The following CCDC187 variants were observed in gnomAD, a reference collection of about 807,000 sequenced individuals.
CCDC187 encodes coiled-coil domain containing 187.
A neutral mutation model predicts 38.0 loss-of-function variants in CCDC187; 32 were observed. The observed-to-expected ratio is 0.84, with a 90% CI of 0.64 to 1.13. The LOEUF (loss-of-function observed/expected upper bound fraction) is 1.13. CCDC187 is among the 50% of genes most tolerant of loss of function. The probability of loss-of-function intolerance (pLI) is 0.00; values close to 1 mark genes in which losing one functional copy is unlikely to be tolerated. For missense variants in CCDC187, 707 were observed against 786.8 expected (o/e 0.90, Z 1.21); for synonymous variants, 333 against 347.9 (o/e 0.96, Z 0.48).
At chr9:136,293,421 ATACT>A (rs1831417728) in intron 4 of CCDC187, among the ~76,000 whole-genome samples, 4 of 73,062 alleles carry the variant, frequency 5.5e-5, no homozygotes, top group South Asian at 3.5e-4. Context: ...ACATGCTCAC[ATACT>A]CTCACATGCT....
chr9:136,262,074 C>T lies in CCDC187; in HGVS notation c.4064+237G>A, dbSNP rs78406702. On this transcript the variant is annotated intron_variant, in intron 19 of 25. Coordinates refer to ENST00000638797, the MANE Select transcript of CCDC187 (RefSeq NM_001378188.1). Reference sequence around the variant, plus strand: ...AGAGCCCTGGTGCCCTTTAATGAGGCGCTTTTGTTGCAAACCAAAGCCAAC... The same window carrying T: ...AGAGCCCTGGTGCCCTTTAATGAGGTGCTTTTGTTGCAAACCAAAGCCAAC... 8.1e-3 allele frequency among the ~76,000 whole-genome samples: 1,241 copies of T among 152,368 alleles called. 18 individuals carry two copies. The highest frequency in any genetic ancestry group is 0.029 in the African/African-American group (1,187 of 41,594).
chr9:136,262,337 G>A lies in CCDC187; in HGVS notation c.4038C>T (p.Ser1346=), dbSNP rs1327670988. 4 of 986,846 alleles carry A rather than the reference G, an allele frequency of 4.1e-6. No individual in the cohort carries two copies. The highest frequency in any genetic ancestry group is 4.8e-6 in the Non-Finnish European group (4 of 831,154). 61.1% of individuals were successfully genotyped at this position (986,846 alleles called of 1,614,324 possible). A position where few individuals can be genotyped will look rare whatever the true frequency, so the allele number is the denominator to read the frequency against. The change falls in exon 19 of 26, where the codon AGC becomes AGT. Residue 1346 remains serine (S), a synonymous_variant. Transcript: ENST00000638797. The stretch of plus-strand genomic sequence containing the variant: ...GCGTGGCCTTTGAGCTTGCGGGGCT[G>A]CTCTGGGGGCGATGGCTGGTGGAGC... ...PSSSTSHRPQ[S]SPASSKATRP...
At chr9:136,285,686 G>A in intron 8 of CCDC187, 80 bp from the exon 9 acceptor site, 1 of 398,956 alleles carries the variant, frequency 2.5e-6, no homozygotes, top group Non-Finnish European at 4.4e-6. Flanking sequence ...CACAGCAGGA[G>A]AGGAGCCTGA....
intron 18 of CCDC187, among the ~76,000 whole-genome samples, chr9:136,262,776 A>G (rs539122044): frequency 2.0e-4 from 30 of 152,272 alleles, no homozygotes; most frequent in African/African-American, 6.3e-4. Context: ...CAGGTGCTTC[A>G]GAGAGCTCAG....
chr9:136,295,036 C>G (rs1831501256), intron 4 of CCDC187, among the ~76,000 whole-genome samples: 2 of 152,238 alleles, frequency 1.3e-5, no homozygotes, highest in African/African-American at 4.8e-5. Flanking sequence ...CATAGGGCCA[C>G]AAGAATGAAA....
In CCDC187 at chr9:136,258,442, C is replaced by A. The variant is rs1319715236; in HGVS notation, c.4366+490G>T. Among the ~76,000 whole-genome samples, 1 of 152,146 alleles carries A rather than the reference C, an allele frequency of 6.6e-6. No individual in the cohort carries two copies. The highest frequency in any genetic ancestry group is 6.5e-5 in the Admixed American group (1 of 15,282). On this transcript the variant is annotated intron_variant, in intron 22 of 25. Coordinates refer to ENST00000638797, the MANE Select transcript of CCDC187 (RefSeq NM_001378188.1). The surrounding 1 kb of genome is among the most constrained non-coding windows in gnomAD (Gnocchi z 4.3). ...TGGCATCGCAGGGCACACAACCCCC[C>A]ACTCTTCAGCCGGCGGCTACCAGAC...
Position 136,285,511 on chromosome 9 carries a change from A to G in CCDC187, c.2927+2T>C. ...GGTGGGCAGGTGGGCAGGTGGTCTTACCTCCCCGCAGAGGGGCTGAGGGCC... is the reference window on the plus strand; with the variant it reads ...GGTGGGCAGGTGGGCAGGTGGTCTTGCCTCCCCGCAGAGGGGCTGAGGGCC... On this transcript the variant is annotated splice_donor_variant, in intron 9 of 25. Coordinates refer to ENST00000638797, the MANE Select transcript of CCDC187 (RefSeq NM_001378188.1). LOFTEE classifies it high-confidence loss of function. 1 of 329,344 alleles carries G rather than the reference A, an allele frequency of 3.0e-6. No individual in the cohort carries two copies. The highest frequency in any genetic ancestry group is 5.3e-6 in the Non-Finnish European group (1 of 188,356). 20.4% of individuals were successfully genotyped at this position (329,344 alleles called of 1,614,324 possible).
chr9:136,285,745 CCT>C, intron 8 of CCDC187, 139 bp from the exon 9 acceptor site: 1 of 397,482 alleles, frequency 2.5e-6, no homozygotes, highest in Non-Finnish European at 4.4e-6. Context: ...GGCCCTCAGG[CCT>C]CTCTGCTGGA....
At chr9:136,269,572 T>C (rs563282752) in intron 14 of CCDC187, among the ~76,000 whole-genome samples, 14 of 152,178 alleles carry the variant, frequency 9.2e-5, no homozygotes, top group South Asian at 4.2e-4. Context: ...TGCTTGAACC[T>C]GGGTGGTAGA....
upstream of CCDC187, among the ~76,000 whole-genome samples, chr9:136,305,324 G>C (rs1204959220): frequency 1.3e-5 from 2 of 152,220 alleles, no homozygotes; most frequent in African/African-American, 4.8e-5. Flanking sequence ...CAGGGAACCA[G>C]CGGTGTGACC....
rs1217010396 is a variant in CCDC187 at position 136,295,355 on chromosome 9, T to C, written c.832+2359A>G. ...CCGCCAGAGGGTCCCGCTCGATAAA[T>C]GGGTCCTGATGGGCACATTTTTTCT... On this transcript the variant is annotated intron_variant, in intron 4 of 25. Transcript: ENST00000638797. 2.0e-5 allele frequency among the ~76,000 whole-genome samples: 3 copies of C among 152,204 alleles called. 1 individual carries two copies. The highest frequency in any genetic ancestry group is 4.1e-4 in the South Asian group (2 of 4,834).
At chr9:136,275,698 C>T (rs1830919089) in intron 12 of CCDC187, among the ~76,000 whole-genome samples, 1 of 152,210 alleles carries the variant, frequency 6.6e-6, no homozygotes. Context: ...TGACATTGTC[C>T]CCTCATGGGG....
At position 136,302,843 on chromosome 9, in the gene CCDC187, TG is replaced by T. The variant is rs1235659339; in HGVS notation, c.593del (p.Ala198GlufsTer16). On this transcript the variant is annotated frameshift_variant, in exon 2 of 26. Transcript: ENST00000638797. LOFTEE classifies it high-confidence loss of function. ...ATTCAGGGGCTGGAGGGGGATTTTT[TG>T]CCTCTTGGCCTTTCCTCCTAAGCAT... ...TLMLRRKGQE[A>X]KNPPPAPECS... 7.5e-6 allele frequency: 3 copies of T among 398,652 alleles called. No individual in the cohort carries two copies. In the Admixed American group the frequency reaches 1.3e-4, roughly 18 times the overall value. The allele number at this position is 398,652 out of a possible 1,614,324, so 24.7% of individuals were successfully genotyped here. A position where few individuals can be genotyped will look rare whatever the true frequency, so the allele number is the denominator to read the frequency against.
In CCDC187 at chr9:136,303,038, C is replaced by A. The variant is rs1831725530; in HGVS notation, c.399G>T (p.Glu133Asp). 1 of 398,608 alleles carries A rather than the reference C, an allele frequency of 2.5e-6. No homozygotes were observed. 24.7% of individuals were successfully genotyped at this position (398,608 alleles called of 1,614,324 possible). A position where few individuals can be genotyped will look rare whatever the true frequency, so the allele number is the denominator to read the frequency against. ...GGGGCCCCAACACCTGGGGTGGCCT[C>A]TCCTTCCAAGACACACACACGTCGT... ...GGHDVCVSWK[E>D]RPPQVLGPQQ... Residue 133 changes from glutamate (E) to aspartate (D), a missense_variant, in exon 2 of 26, where the codon GAG becomes GAT. By Grantham distance (45) the Glu-to-Asp change is conservative. Transcript: ENST00000638797.
rs527775517 is a variant in CCDC187 at position 136,257,113 on chromosome 9, G to A, written c.4367-272C>T. 2.0e-5 allele frequency among the ~76,000 whole-genome samples: 3 copies of A among 152,308 alleles called. No homozygotes were observed. The highest frequency in any genetic ancestry group is 2.1e-4 in the South Asian group (1 of 4,822). On this transcript the variant is annotated intron_variant, in intron 22 of 25. Coordinates refer to ENST00000638797, the MANE Select transcript of CCDC187 (RefSeq NM_001378188.1). The surrounding 1 kb of genome is among the most constrained non-coding windows in gnomAD (Gnocchi z 4.5). ...AGGCCGGCTGGGCGCAGTGGCTCAC[G>A]CCTATAATCCCAGCACTCTGGGAGG...
At chr9:136,260,511 GTCCC>G (rs1830667104) in intron 19 of CCDC187, among the ~76,000 whole-genome samples, 1 of 151,616 alleles carries the variant, frequency 6.6e-6, no homozygotes, top group Non-Finnish European at 1.5e-5. Flanking sequence ...GAGATGGACT[GTCCC>G]TCCCAGGTGC....
intron 14 of CCDC187, among the ~76,000 whole-genome samples, chr9:136,270,972 A>G (rs1185508202): frequency 2.0e-5 from 3 of 152,230 alleles, no homozygotes; most frequent in African/African-American, 7.2e-5. Context: ...ATAATTGTCC[A>G]TGATCATCTC....
At chr9:136,263,819 G>A in intron 17 of CCDC187, 21 bp from the exon 18 acceptor site, 2 of 985,508 alleles carry the variant, frequency 2.0e-6, no homozygotes, top group Non-Finnish European at 2.4e-6. Flanking sequence ...AAAATAAGCA[G>A]ATGTCAGCAT....
At chr9:136,280,477 C>T (rs964129785) in intron 10 of CCDC187, among the ~76,000 whole-genome samples, 13 of 152,170 alleles carry the variant, frequency 8.5e-5, no homozygotes, top group African/African-American at 2.9e-4. Flanking sequence ...CCGACAAGCC[C>T]TCCCCTCCAT....
Sources: gnomAD v4.1 joint callset for allele counts (sites outside exome capture counted in the v4.1 genomes callset) on GRCh38, gnomAD v4.1.1 for gene constraint, Gnocchi (gnomAD v3.1) non-coding constraint, MANE v1.5 for transcripts, NCBI Gene and HGNC (gene_info 2026-07-23, HGNC 2026-07-21) for gene names.